MYH10: variants seen among roughly 807,000 people sequenced by gnomAD.
MYH10 encodes the protein myosin-10.
MYH10 carries 55 observed loss-of-function variants against 257.8 expected under a neutral mutation model. That is an observed-to-expected ratio of 0.21 (90% CI 0.17 to 0.27). MYH10 has a LOEUF of 0.27. Among genes scored for constraint, MYH10 ranks in the 10% least tolerant of loss-of-function variants. MYH10 has a pLI of 1.00. For missense variants in MYH10, 1,631 were observed against 2,500.6 expected (o/e 0.65, Z 7.42); for synonymous variants, 854 against 921.7 (o/e 0.93, Z 1.33).
chr17:8,617,706 G>A (rs1455796461), intron 2 of MYH10, among the ~76,000 whole-genome samples: 1 of 151,918 alleles, frequency 6.6e-6, no homozygotes, highest in African/African-American at 2.4e-5. Context: ...ATTACAAACA[G>A]AGAAAAAAAC....
rs1159671955 is a variant in MYH10 at position 8,506,737 on chromosome 17, T to A, written c.3215-248A>T. On this transcript the variant is annotated intron_variant, in intron 26 of 42. Transcript: ENST00000360416. The surrounding 1 kb of genome is among the most constrained non-coding windows in gnomAD (Gnocchi z 5.0). Reference sequence around the variant, plus strand: ...AAGTTGAGTGTCCTAAGAATGTCCTTTCATGGGAGGTGAGACCACACTGTG... The same window carrying A: ...AAGTTGAGTGTCCTAAGAATGTCCTATCATGGGAGGTGAGACCACACTGTG... Among the ~76,000 whole-genome samples the A allele has an allele frequency of 1.3e-5, 2 of 151,810 alleles. No homozygotes were observed. The highest frequency in any genetic ancestry group is 6.6e-5 in the Admixed American group (1 of 15,238).
intron 16 of MYH10, among the ~76,000 whole-genome samples, chr17:8,531,597 C>T (rs762460989): frequency 2.0e-5 from 3 of 148,688 alleles, no homozygotes; most frequent in Non-Finnish European, 4.4e-5. Flanking sequence ...CGCTGTGTTG[C>T]CCAGGCTGGT....
chr17:8,614,748 A>G (rs1176183241), intron 2 of MYH10, among the ~76,000 whole-genome samples: 1 of 152,234 alleles, frequency 6.6e-6, no homozygotes, highest in Non-Finnish European at 1.5e-5. Flanking sequence ...AATGAAATTT[A>G]TGGCTTTTAA....
chr17:8,486,160 C>T (rs1037262685), intron 36 of MYH10, among the ~76,000 whole-genome samples: 6 of 152,024 alleles, frequency 3.9e-5, no homozygotes, highest in Non-Finnish European at 8.8e-5. Context: ...AGTTGATTAA[C>T]GCAGGATGCA....
Position 8,521,176 on chromosome 17 carries a change from T to C in MYH10, c.2067A>G (p.Lys689=). 2 of 1,614,242 alleles carry C rather than the reference T, an allele frequency of 1.2e-6. No individual in the cohort carries two copies. The highest frequency in any genetic ancestry group is 1.7e-6 in the Non-Finnish European group (2 of 1,180,044). Reference sequence around the variant, plus strand: ...TTGCCATCAGCTTGGTGAGAGATTCTTTGTAGAGTTGCCCAACGGTACGAA... The same window carrying C: ...TTGCCATCAGCTTGGTGAGAGATTCCTTGTAGAGTTGCCCAACGGTACGAA... The part of the protein sequence containing the change: ...GMFRTVGQLY[K]ESLTKLMATL... Residue 689 remains lysine (K), a synonymous_variant, in exon 18 of 43, where the codon AAA becomes AAG. Coordinates refer to ENST00000360416, the MANE Select transcript of MYH10 (RefSeq NM_001256012.3).
chr17:8,606,819 T>C (rs2084828761), intron 2 of MYH10, among the ~76,000 whole-genome samples: 2 of 152,204 alleles, frequency 1.3e-5, no homozygotes, highest in East Asian at 3.8e-4. Flanking sequence ...AGGTTATCTG[T>C]TCGTTCTTTG....
chr17:8,487,321 C>T, intron 36 of MYH10, 112 bp downstream of exon 36: 1 of 1,323,434 alleles, frequency 7.6e-7, no homozygotes, highest in Non-Finnish European at 1.1e-6. Flanking sequence ...TGCCCCACCC[C>T]CGGCCACGCT....
At chr17:8,572,501 C>G (rs1003421132) in intron 6 of MYH10, among the ~76,000 whole-genome samples, 10 of 152,050 alleles carry the variant, frequency 6.6e-5, no homozygotes, top group African/African-American at 2.4e-4. Context: ...ATGCACAAAC[C>G]TTTTTTTCTT....
chr17:8,552,239 T>G lies in MYH10; in HGVS notation c.821-95A>C. The G allele has an allele frequency of 2.0e-6, 1 of 512,682 alleles. No homozygotes were observed. Among genetic ancestry groups the G allele is most frequent in the African/African-American group, 2.0e-5 (1 of 50,632 alleles). The allele number at this position is 512,682 out of a possible 1,614,324, so 31.8% of individuals were successfully genotyped here. On this transcript the variant is annotated intron_variant, in intron 8 of 42. Coordinates refer to ENST00000360416, the MANE Select transcript of MYH10 (RefSeq NM_001256012.3). This position sits in a 1 kb window ranked among gnomAD's most constrained non-coding sequence, Gnocchi z 4.8. ...GTCTGTAAATTTAAATCATAAAACA[T>G]CTTCTTTCTCTGATTATTATATAAA...
At chr17:8,561,817 T>C (rs2083007583) in intron 7 of MYH10, among the ~76,000 whole-genome samples, 1 of 152,022 alleles carries the variant, frequency 6.6e-6, no homozygotes, top group Admixed American at 6.6e-5. Context: ...CTAGGGTCCA[T>C]AGTGGCACTA....
rs1213302169 is a variant in MYH10 at position 8,555,656 on chromosome 17, T to A, written c.757-1638A>T. Among the ~76,000 whole-genome samples, 5 of 152,162 alleles carry A rather than the reference T, an allele frequency of 3.3e-5. No individual in the cohort carries two copies. The East Asian group carries it at 9.6e-4, about 29-fold the overall frequency. On this transcript the variant is annotated intron_variant, in intron 7 of 42. Coordinates refer to ENST00000360416, the MANE Select transcript of MYH10 (RefSeq NM_001256012.3). ...AAAACTTAACTCAAAGCAGATCACA[T>A]ACCTAAATACATGGGCTAAAACTAT...
chr17:8,568,189 C>A (rs1369942981), intron 7 of MYH10, among the ~76,000 whole-genome samples: 2 of 152,176 alleles, frequency 1.3e-5, no homozygotes, highest in African/African-American at 2.4e-5. Flanking sequence ...TGGCACGCAG[C>A]CGAACTTGGG....
At chr17:8,626,244 C>G (rs1598012484) in intron 1 of MYH10, among the ~76,000 whole-genome samples, 1 of 152,132 alleles carries the variant, frequency 6.6e-6, no homozygotes, top group Non-Finnish European at 1.5e-5. Flanking sequence ...CAAGTTGTCT[C>G]TTTCCAACTT....
intron 30 of MYH10, 48 bp downstream of exon 30, chr17:8,499,222 G>T: frequency 6.4e-7 from 1 of 1,566,480 alleles, no homozygotes; most frequent in South Asian, 1.1e-5. Context: ...TGGTAAATTA[G>T]GGACATGCTA....
chr17:8,572,781 A>G (rs1261214627), intron 6 of MYH10, among the ~76,000 whole-genome samples: 1 of 152,216 alleles, frequency 6.6e-6, no homozygotes, highest in Non-Finnish European at 1.5e-5. Flanking sequence ...GGATTTGTGG[A>G]CATTGGTGAG....
At chr17:8,527,376 A>G (rs1490666848) in intron 17 of MYH10, among the ~76,000 whole-genome samples, 1 of 152,210 alleles carries the variant, frequency 6.6e-6, no homozygotes, top group East Asian at 1.9e-4. Context: ...CTACCTTCCT[A>G]TCCCTTTCGG....
At chr17:8,605,279 A>G (rs555008145) in intron 2 of MYH10, among the ~76,000 whole-genome samples, 15 of 152,218 alleles carry the variant, frequency 9.9e-5, no homozygotes, top group Admixed American at 7.2e-4. Flanking sequence ...AGGTACAATC[A>G]ATATGTTATT....
intron 24 of MYH10, among the ~76,000 whole-genome samples, chr17:8,510,405 G>A (rs1237327896): frequency 6.6e-6 from 1 of 152,024 alleles, no homozygotes; most frequent in Admixed American, 6.6e-5. Flanking sequence ...GTACAAACTG[G>A]GTCAATCCTT....
intron 21 of MYH10, among the ~76,000 whole-genome samples, chr17:8,515,461 T>C (rs2151889860): frequency 6.6e-6 from 1 of 150,472 alleles, no homozygotes; most frequent in South Asian, 2.1e-4. Context: ...CACTGCTTCA[T>C]AACTGATTTT....
Sources: gnomAD v4.1 joint callset for allele counts (sites outside exome capture counted in the v4.1 genomes callset) on GRCh38, gnomAD v4.1.1 for gene constraint, Gnocchi (gnomAD v3.1) non-coding constraint, MANE v1.5 for transcripts, NCBI Gene and HGNC (gene_info 2026-07-23, HGNC 2026-07-21) for gene names.